The following GSE1 variants were observed in gnomAD, a reference collection of about 807,000 sequenced individuals.
GSE1 encodes genetic suppressor element 1.
A neutral mutation model predicts 112.6 loss-of-function variants in GSE1; 32 were observed. The observed-to-expected ratio is 0.28, with a 90% confidence interval of 0.21 to 0.38. GSE1 has a LOEUF of 0.38. Ranked by LOEUF, GSE1 falls within the 10% of genes least tolerant of loss-of-function variation. The probability of loss-of-function intolerance (pLI) is 1.00; values close to 1 mark genes in which losing one functional copy is unlikely to be tolerated. For synonymous variants in GSE1, 1,115 were observed against 735.6 expected (o/e 1.52, Z -8.35); for missense variants, 2,348 against 1,699.2 (o/e 1.38, Z -6.71).
At chr16:85,179,231 G>A (rs34944506) in intron 1 of GSE1, among the ~76,000 whole-genome samples, 13,896 of 152,094 alleles carry the variant, frequency 0.091, 765 homozygotes, top group African/African-American at 0.15. Context: ...CGTTCTGGTC[G>A]TCTCTTGTGA....
At position 85,419,574 on chromosome 16, in the gene GSE1, C is replaced by T. The variant is rs2048780579; in HGVS notation, c.2464+61931C>T. On this transcript the variant is annotated intron_variant, in intron 2 of 2. Coordinates refer to the GSE1 transcript ENST00000637419. The surrounding 1 kb of genome is among the most constrained non-coding windows in gnomAD (Gnocchi z 6.5). ...TGAGCCATGACTGCATCACTGTACT[C>T]CAGCCTGGGCAATAGAGCAAGGCTG... Among the ~76,000 whole-genome samples, 1 of 151,374 alleles carries T rather than the reference C, an allele frequency of 6.6e-6. No homozygotes were observed. Among genetic ancestry groups the T allele is most frequent in the Admixed American group, 6.6e-5 (1 of 15,168 alleles).
rs142141999 is a variant in GSE1 at position 85,655,708 on chromosome 16, C to T, written c.798-18C>T. On this transcript the variant is annotated intron_variant, in intron 5 of 15. Transcript: ENST00000253458. ...CCTTGGTTCATTTGCTGCTCACAGC[C>T]CCGTCTTCTCTGCACAGGATGGACG... 6.6e-4 allele frequency: 1,035 copies of T among 1,560,960 alleles called. 13 individuals carry two copies. In the East Asian group the frequency reaches 0.018, roughly 26 times the overall value.
Position 85,403,867 on chromosome 16 carries a change from C to G in GSE1, c.2464+46224C>G, listed in dbSNP as rs571780003. On this transcript the variant is annotated intron_variant, in intron 2 of 2. Transcript: ENST00000637419. ...AGTCTGGAGGCCAGAACTCCAGCATCAAGGTGTGGGCAGGGCTGCACCCCC... is the reference window on the plus strand; with the variant it reads ...AGTCTGGAGGCCAGAACTCCAGCATGAAGGTGTGGGCAGGGCTGCACCCCC... Among the ~76,000 whole-genome samples the G allele has an allele frequency of 2.6e-5, 4 of 152,278 alleles. No individual in the cohort carries two copies. In the East Asian group the frequency reaches 5.8e-4, roughly 22 times the overall value.
chr16:85,376,594 T>C (rs1331181852), intron 2 of GSE1, among the ~76,000 whole-genome samples: 1 of 152,206 alleles, frequency 6.6e-6, no homozygotes, highest in African/African-American at 2.4e-5. Context: ...AACACAGCCC[T>C]GGCTCTGTTC....
chr16:85,394,215 G>A (rs1597588417), intron 2 of GSE1, among the ~76,000 whole-genome samples: 1 of 152,144 alleles, frequency 6.6e-6, no homozygotes, highest in Non-Finnish European at 1.5e-5. Context: ...GGAGGCAGCC[G>A]GGGGCCGGGG....
At chr16:85,480,967 C>G (rs572447202) in intron 2 of GSE1, among the ~76,000 whole-genome samples, 1 of 152,276 alleles carries the variant, frequency 6.6e-6, no homozygotes, top group South Asian at 2.1e-4. Flanking sequence ...CTTCCACCCC[C>G]TCCTGGGACA....
chr16:85,211,565 T>C (rs1192840734), intron 1 of GSE1, among the ~76,000 whole-genome samples: 1 of 152,188 alleles, frequency 6.6e-6, no homozygotes, highest in Non-Finnish European at 1.5e-5. Context: ...TCCGCAGGGC[T>C]GAGGGTCTGG....
chr16:85,254,055 G>A (rs542290380), intron 1 of GSE1, among the ~76,000 whole-genome samples: 31 of 152,294 alleles, frequency 2.0e-4, no homozygotes, highest in African/African-American at 6.0e-4. Context: ...GGACCCTGCC[G>A]TGTGGGGCAT....
rs188274024 is a variant in GSE1 at position 85,364,681 on chromosome 16, C to G, written c.2464+7038C>G. 4.2e-3 allele frequency among the ~76,000 whole-genome samples: 633 copies of G among 152,254 alleles called. 7 individuals are homozygous for G. The highest frequency in any genetic ancestry group is 0.015 in the African/African-American group (616 of 41,550). Reference sequence around the variant, plus strand: ...GCACGGGCAACAGACACAGGAACACCCCTGGATACTCTCCCGCTGTGGCCT... The same window carrying G: ...GCACGGGCAACAGACACAGGAACACGCCTGGATACTCTCCCGCTGTGGCCT... On this transcript the variant is annotated intron_variant, in intron 2 of 2. Transcript: ENST00000637419.
chr16:85,633,985 A>AACCCCCTC lies in GSE1; in HGVS notation c.88_95dup (p.Leu34ProfsTer49). On this transcript the variant is annotated frameshift_variant, in exon 2 of 16. Coordinates refer to ENST00000253458, the MANE Select transcript of GSE1 (RefSeq NM_014615.5). LOFTEE classifies it high-confidence loss of function. ...CGCGACCAGGACCACCGCCACCGTC[A>AACCCCCTC]ACCCCCTCACCCCCTCGCCGCTCAA... 2 of 1,612,960 alleles carry AACCCCCTC rather than the reference A, an allele frequency of 1.2e-6. No homozygotes were observed. Among genetic ancestry groups the AACCCCCTC allele is most frequent in the Non-Finnish European group, 1.7e-6 (2 of 1,179,694 alleles).
At chr16:85,304,268 G>A (rs1221857620) in intron 1 of GSE1, among the ~76,000 whole-genome samples, 1 of 152,238 alleles carries the variant, frequency 6.6e-6, no homozygotes, top group Non-Finnish European at 1.5e-5. Flanking sequence ...GCGTGGTGGA[G>A]AGCTGGGAGT....
intron 2 of GSE1, among the ~76,000 whole-genome samples, chr16:85,408,782 T>C (rs1181969244): frequency 7.7e-4 from 17 of 22,116 alleles, no homozygotes; most frequent in Non-Finnish European, 9.3e-4. Flanking sequence ...GCACTCAGGG[T>C]CCCTCTGATA....
At chr16:85,293,782 G>A (rs377099244) in intron 1 of GSE1, among the ~76,000 whole-genome samples, 4 of 152,088 alleles carry the variant, frequency 2.6e-5, no homozygotes, top group South Asian at 4.2e-4. Flanking sequence ...CGCTGTGATC[G>A]CTGCCTCTGC....
intron 2 of GSE1, among the ~76,000 whole-genome samples, chr16:85,638,789 T>G (rs1373215374): frequency 8.7e-6 from 1 of 114,474 alleles, no homozygotes; most frequent in African/African-American, 3.3e-5. Context: ...GTCCTACCCC[T>G]GTGACCCCCA....
rs372516330 is a variant in GSE1, at chr16:85,633,963, G to C, written c.57G>C (p.Ala19=). Residue 19 remains alanine, a synonymous_variant, in exon 2 of 16, where the codon GCG becomes GCC. Coordinates refer to ENST00000253458, the MANE Select transcript of GSE1 (RefSeq NM_014615.5). ...CTTCGCTAGGGATGCTTTCCACCGC[G>C]ACCAGGACCACCGCCACCGTCAACC... ...KSPSLGMLST[A]TRTTATVNPL... 1.9e-6 allele frequency: 3 copies of C among 1,613,038 alleles called. No individual in the cohort carries two copies. Among genetic ancestry groups the C allele is most frequent in the South Asian group, 1.1e-5 (1 of 90,940 alleles).
intron 2 of GSE1, among the ~76,000 whole-genome samples, chr16:85,488,498 A>C (rs2050910942): frequency 6.6e-6 from 1 of 151,812 alleles, no homozygotes; most frequent in Admixed American, 6.6e-5. Flanking sequence ...TTCCTCTCTC[A>C]GCAGGTCCAA....
intron 1 of GSE1, among the ~76,000 whole-genome samples, chr16:85,208,951 T>C (rs2075172291): frequency 6.7e-6 from 1 of 149,648 alleles, no homozygotes. Flanking sequence ...GTTCGCCGCA[T>C]GTTGGGGTTC....
chr16:85,400,102 G>A (rs527408286), intron 2 of GSE1, among the ~76,000 whole-genome samples: 2 of 152,338 alleles, frequency 1.3e-5, no homozygotes, highest in East Asian at 1.9e-4. Context: ...CTGCGTCTTC[G>A]CCGCCACACC....
chr16:85,233,769 TC>T (rs1904327302), intron 1 of GSE1, among the ~76,000 whole-genome samples: 1 of 152,146 alleles, frequency 6.6e-6, no homozygotes, highest in African/African-American at 2.4e-5. Context: ...CCTGGCAGGT[TC>T]TCAGCTGGCA....
Sources: gnomAD v4.1 joint callset for allele counts (sites outside exome capture counted in the v4.1 genomes callset) on GRCh38, gnomAD v4.1.1 for gene constraint, Gnocchi (gnomAD v3.1) non-coding constraint, MANE v1.5 for transcripts, NCBI Gene and HGNC (gene_info 2026-07-23, HGNC 2026-07-21) for gene names.